Variants in SEL1L3 observed in about 807,000 individuals in gnomAD.
SEL1L3 encodes SEL1L family member 3, also known as protein sel-1 homolog 3.
SEL1L3 carries 76 observed loss-of-function variants against 142.8 expected under a neutral mutation model. That is an observed-to-expected ratio of 0.53 (90% CI 0.44 to 0.64). SEL1L3 has a LOEUF of 0.64. Ranked by LOEUF, SEL1L3 falls within the 30% of genes least tolerant of loss-of-function variation. The probability of loss-of-function intolerance (pLI) is 0.00; values close to 1 mark genes in which losing one functional copy is unlikely to be tolerated. For missense variants in SEL1L3, 1,262 were observed against 1,381.7 expected (o/e 0.91, Z 1.37); for synonymous variants, 504 against 519.6 (o/e 0.97, Z 0.41).
At position 25,833,109 on chromosome 4, in the gene SEL1L3, G is replaced by A. The variant is rs73117333; in HGVS notation, c.984C>T (p.Gly328=). 2.2e-3 allele frequency: 3,482 copies of A among 1,562,252 alleles called. 59 individuals are homozygous for A. The African/African-American group carries it at 0.041, about 18-fold the overall frequency. Residue 328 remains glycine, a splice_region_variant and synonymous_variant, in exon 5 of 24, where the codon GGC becomes GGT. Transcript: ENST00000399878. ...GTPSVFLTEE[G]YLHIQMHLVK... is the part of the protein sequence containing the mutation. ...CAAGATGCATCTGAATATGCAAATA[G>A]CCTAAAAGGAAAATTCGAGCACATG...
chr4:25,835,780 A>G (rs568748117), intron 2 of SEL1L3, among the ~76,000 whole-genome samples: 3 of 152,334 alleles, frequency 2.0e-5, no homozygotes, highest in African/African-American at 7.2e-5. Context: ...AAATTTGTTC[A>G]TTTCATTTTC....
chr4:25,721,616 A>C, the SEL1L3 span, among the ~76,000 whole-genome samples: 1 of 152,194 alleles, frequency 6.6e-6, no homozygotes, highest in Non-Finnish European at 1.5e-5. Context: ...AATACCAAAG[A>C]ACTAAGACTT....
chr4:25,854,324 C>T (rs1010835530), intron 1 of SEL1L3, among the ~76,000 whole-genome samples: 5 of 152,314 alleles, frequency 3.3e-5, no homozygotes, highest in African/African-American at 1.2e-4. Flanking sequence ...ATCGCCCAGG[C>T]TCAAGTGCAG....
intron 23 of SEL1L3, among the ~76,000 whole-genome samples, chr4:25,749,145 A>G (rs1484021817): frequency 6.6e-6 from 1 of 152,130 alleles, no homozygotes; most frequent in Non-Finnish European, 1.5e-5. Flanking sequence ...TACAGATGGC[A>G]GACATTTTGG....
At chr4:25,857,431 T>A (rs1717340979) in intron 1 of SEL1L3, among the ~76,000 whole-genome samples, 1 of 152,216 alleles carries the variant, frequency 6.6e-6, no homozygotes, top group Non-Finnish European at 1.5e-5. Context: ...TGCTCTTATT[T>A]CATTGAGTAC....
the SEL1L3 span, among the ~76,000 whole-genome samples, chr4:25,736,322 C>A: frequency 6.6e-6 from 1 of 151,628 alleles, no homozygotes; most frequent in Non-Finnish European, 1.5e-5. Flanking sequence ...CTCCTGGTTT[C>A]AAGCAATTCT....
chr4:25,857,557 C>T (rs1717350308), intron 1 of SEL1L3, among the ~76,000 whole-genome samples: 2 of 152,220 alleles, frequency 1.3e-5, no homozygotes, highest in African/African-American at 4.8e-5. Flanking sequence ...CCAATCCTCA[C>T]AACAACCCAC....
chr4:25,740,432 C>CAA, the SEL1L3 span, among the ~76,000 whole-genome samples: 1,865 of 122,096 alleles, frequency 0.015, 42 homozygotes, highest in African/African-American at 0.051. Flanking sequence ...GACTCCATCT[C>CAA]AAAAAAAAAA....
rs1714917221 is a variant in SEL1L3, at chr4:25,823,748, G to A, written c.1158-1620C>T. On this transcript the variant is annotated intron_variant, in intron 6 of 23. Coordinates refer to ENST00000399878, the MANE Select transcript of SEL1L3 (RefSeq NM_015187.5). Reference sequence around the variant, plus strand: ...CAGAGGGAAAGAAAACAAAGTGTCAGGCAGGCTGCCAGGAGCCCAGGGAGC... The same window carrying A: ...CAGAGGGAAAGAAAACAAAGTGTCAAGCAGGCTGCCAGGAGCCCAGGGAGC... Among the ~76,000 whole-genome samples, 3 of 152,242 alleles carry A rather than the reference G, an allele frequency of 2.0e-5. No individual in the cohort carries two copies. The South Asian group carries it at 6.2e-4, about 32-fold the overall frequency.
the SEL1L3 span, among the ~76,000 whole-genome samples, chr4:25,733,804 C>T: frequency 1.5e-4 from 23 of 152,138 alleles, no homozygotes; most frequent in Non-Finnish European, 2.5e-4. Flanking sequence ...TGTGAGCCAC[C>T]GCGTCGGGCC....
chr4:25,746,265 C>T (rs577694675), downstream of SEL1L3, among the ~76,000 whole-genome samples: 7 of 151,994 alleles, frequency 4.6e-5, no homozygotes, highest in Middle Eastern at 0.01. Flanking sequence ...CGCCTATAAT[C>T]CCAGCACTTT....
intron 1 of SEL1L3, among the ~76,000 whole-genome samples, chr4:25,850,567 T>C (rs1344708424): frequency 6.6e-6 from 1 of 152,202 alleles, no homozygotes; most frequent in Admixed American, 6.5e-5. Context: ...TCTGGACCAA[T>C]AATTTCACTA....
chr4:25,824,514 G>A (rs985307093), intron 6 of SEL1L3, among the ~76,000 whole-genome samples: 2 of 152,230 alleles, frequency 1.3e-5, no homozygotes, highest in African/African-American at 4.8e-5. Context: ...GTCAGGCACA[G>A]AGCAGACACC....
chr4:25,797,406 A>T (rs1321726783), intron 11 of SEL1L3, among the ~76,000 whole-genome samples: 2 of 152,148 alleles, frequency 1.3e-5, no homozygotes, highest in Non-Finnish European at 1.5e-5. Context: ...GCGTGTTTAA[A>T]ATCAGCTATA....
intron 23 of SEL1L3, among the ~76,000 whole-genome samples, chr4:25,753,901 T>A (rs1463492626): frequency 6.6e-6 from 1 of 151,988 alleles, no homozygotes; most frequent in African/African-American, 2.4e-5. Context: ...GGAGAATCAC[T>A]TGAATCCGAG....
At chr4:25,842,113 G>C (rs1234206411) in intron 2 of SEL1L3, among the ~76,000 whole-genome samples, 1 of 152,052 alleles carries the variant, frequency 6.6e-6, no homozygotes, top group Admixed American at 6.5e-5. Context: ...ACTCAGTAAA[G>C]AAATTGATAC....
At chr4:25,851,425 C>T (rs80336404) in intron 1 of SEL1L3, among the ~76,000 whole-genome samples, 140 of 152,228 alleles carry the variant, frequency 9.2e-4, no homozygotes, top group African/African-American at 3.2e-3. Flanking sequence ...TATATATGTA[C>T]ATGTGTATAG....
At chr4:25,829,362 A>G (rs1223769723) in intron 6 of SEL1L3, among the ~76,000 whole-genome samples, 1 of 152,270 alleles carries the variant, frequency 6.6e-6, no homozygotes, top group East Asian at 1.9e-4. Flanking sequence ...TGAAGGTATC[A>G]TTAGTACAAA....
At chr4:25,805,260 A>G (rs1487916648) in intron 9 of SEL1L3, among the ~76,000 whole-genome samples, 1 of 152,238 alleles carries the variant, frequency 6.6e-6, no homozygotes, top group Admixed American at 6.5e-5. Context: ...ACTTTTATTG[A>G]GAGCTTACAA....
Sources: allele counts gnomAD v4.1 joint callset (sites outside exome capture counted in the v4.1 genomes callset), GRCh38; gene constraint gnomAD v4.1.1; transcripts MANE v1.5; gene names NCBI Gene and HGNC (gene_info 2026-07-23, HGNC 2026-07-21).